The following ADGRL3 variants were observed in gnomAD, a reference collection of about 807,000 sequenced individuals.
ADGRL3 encodes calcium-independent alpha-latrotoxin receptor 3.
A neutral mutation model predicts 153.5 loss-of-function variants in ADGRL3; 62 were observed. That is an observed-to-expected ratio of 0.40 (90% CI 0.33 to 0.50). The LOEUF is 0.50. Among genes scored for constraint, ADGRL3 ranks in the 20% least tolerant of loss-of-function variants. The pLI, the probability that ADGRL3 is intolerant of heterozygous loss-of-function variation, is 0.47. For synonymous variants in ADGRL3, 710 were observed against 672.5 expected, an observed-to-expected ratio of 1.06 and a Z score of -0.86; for missense variants, 1,641 against 1,859.4, an observed-to-expected ratio of 0.88 and a Z score of 2.16.
At chr4:61,933,124 A>T (rs1018306381) in intron 13 of ADGRL3, among the ~76,000 whole-genome samples, 3 of 152,116 alleles carry the variant, frequency 2.0e-5, no homozygotes, top group African/African-American at 7.2e-5. Flanking sequence ...TGGCTGCTCC[A>T]TAAGGAACAG....
At chr4:61,376,154 G>A (rs996644475) in intron 1 of ADGRL3, among the ~76,000 whole-genome samples, 9 of 152,186 alleles carry the variant, frequency 5.9e-5, no homozygotes, top group African/African-American at 2.2e-4. Flanking sequence ...TGTGTGTACT[G>A]TTTAACAATT....
intron 1 of ADGRL3, among the ~76,000 whole-genome samples, chr4:61,305,602 T>A (rs1017734371): frequency 2.6e-5 from 4 of 152,284 alleles, no homozygotes; most frequent in African/African-American, 7.2e-5. Context: ...TCTGATTTTT[T>A]AAGAGAAGTA....
rs141398007 is a variant in ADGRL3, at chr4:61,991,528, T to A, written c.3237-4763T>A. Among the ~76,000 whole-genome samples, 265 of 152,178 alleles carry A rather than the reference T, an allele frequency of 1.7e-3. 1 individual carries two copies. The highest frequency in any genetic ancestry group is 6.1e-3 in the African/African-American group (252 of 41,544). On this transcript the variant is annotated intron_variant, in intron 19 of 26. Transcript: ENST00000683033. ...TGTTGAGGAAATAAAGACAACACAA[T>A]CTATTTTTGATATATTAGAAGTAGT... is the stretch of plus-strand genomic sequence containing the variant.
At chr4:61,438,164 G>A (rs1360322093) in intron 2 of ADGRL3, among the ~76,000 whole-genome samples, 1 of 152,040 alleles carries the variant, frequency 6.6e-6, no homozygotes, top group African/African-American at 2.4e-5. Flanking sequence ...CAGAACAAAT[G>A]TGTCTTTAAT....
At chr4:61,719,401 G>T (rs1233675219) in intron 6 of ADGRL3, among the ~76,000 whole-genome samples, 2 of 152,118 alleles carry the variant, frequency 1.3e-5, no homozygotes, top group Non-Finnish European at 2.9e-5. Flanking sequence ...CACTGTGATG[G>T]TCACTGAAGA....
chr4:61,993,513 A>T (rs563959495), intron 19 of ADGRL3, among the ~76,000 whole-genome samples: 1 of 151,312 alleles, frequency 6.6e-6, no homozygotes, highest in Non-Finnish European at 1.5e-5. Context: ...ACTGGTCTCG[A>T]ACTCCTGACC....
chr4:61,816,357 C>T (rs577706080), intron 9 of ADGRL3, among the ~76,000 whole-genome samples: 36 of 152,272 alleles, frequency 2.4e-4, no homozygotes, highest in Non-Finnish European at 4.0e-4. Flanking sequence ...GGGACTCACT[C>T]ACGTTTTTGA....
intron 24 of ADGRL3, among the ~76,000 whole-genome samples, chr4:62,042,166 C>T (rs1300700623): frequency 6.6e-6 from 1 of 151,760 alleles, no homozygotes; most frequent in African/African-American, 2.4e-5. Flanking sequence ...ATATGTACCT[C>T]AATGAACAAA....
At chr4:62,049,667 G>A (rs1733074032) in intron 25 of ADGRL3, among the ~76,000 whole-genome samples, 1 of 152,088 alleles carries the variant, frequency 6.6e-6, no homozygotes, top group Admixed American at 6.6e-5. Flanking sequence ...ACTACCTACT[G>A]AAAAGTGACC....
chr4:61,833,278 T>C (rs2097894522), intron 9 of ADGRL3, among the ~76,000 whole-genome samples: 1 of 152,032 alleles, frequency 6.6e-6, no homozygotes, highest in Non-Finnish European at 1.5e-5. Context: ...TGTGTAAAGG[T>C]GAACATGTAA....
intron 1 of ADGRL3, among the ~76,000 whole-genome samples, chr4:61,293,981 C>G (rs931097034): frequency 2.7e-5 from 4 of 146,506 alleles, no homozygotes; most frequent in African/African-American, 1.0e-4. Flanking sequence ...TGTAATTTAT[C>G]CCTTCTGAGA....
At chr4:61,935,771 A>T (rs2150151691) in intron 14 of ADGRL3, among the ~76,000 whole-genome samples, 152 bp from the exon 15 acceptor site, 1 of 152,292 alleles carries the variant, frequency 6.6e-6, no homozygotes, top group African/African-American at 2.4e-5. Context: ...ATAAAATACT[A>T]ACAATATATT....
At chr4:61,533,666 A>G (rs2098637323) in intron 4 of ADGRL3, among the ~76,000 whole-genome samples, 1 of 152,008 alleles carries the variant, frequency 6.6e-6, no homozygotes, top group African/African-American at 2.4e-5. Flanking sequence ...TAGGTTGTCT[A>G]TTTTCTATTC....
At chr4:61,717,513 TCTCTG>T (rs1183344457) in intron 6 of ADGRL3, among the ~76,000 whole-genome samples, 1 of 152,170 alleles carries the variant, frequency 6.6e-6, no homozygotes, top group African/African-American at 2.4e-5. Flanking sequence ...TAATTTAATG[TCTCTG>T]CTCCTCACTT....
chr4:61,791,961 G>A (rs996449966), intron 8 of ADGRL3, among the ~76,000 whole-genome samples: 6 of 152,158 alleles, frequency 3.9e-5, no homozygotes, highest in Non-Finnish European at 8.8e-5. Context: ...TTCATCCTAG[G>A]ACTCCAGACC....
chr4:61,867,460 G>A (rs544034705), intron 9 of ADGRL3, among the ~76,000 whole-genome samples: 12 of 140,398 alleles, frequency 8.5e-5, no homozygotes, highest in African/African-American at 2.3e-4. Context: ...AGATGGTGCC[G>A]CTGCACTCCA....
chr4:61,886,348 T>C (rs1044739250), intron 9 of ADGRL3, among the ~76,000 whole-genome samples: 1 of 152,202 alleles, frequency 6.6e-6, no homozygotes, highest in East Asian at 1.9e-4. Flanking sequence ...AGTTTTCTTA[T>C]TTCCTTTATT....
At chr4:61,642,659 G>T (rs1385233196) in intron 5 of ADGRL3, among the ~76,000 whole-genome samples, 2 of 151,930 alleles carry the variant, frequency 1.3e-5, no homozygotes, top group African/African-American at 2.4e-5. Flanking sequence ...CTCTATTTTG[G>T]TACCAGTACC....
chr4:62,026,648 G>A (rs528053117), intron 21 of ADGRL3, among the ~76,000 whole-genome samples: 14 of 151,982 alleles, frequency 9.2e-5, no homozygotes, highest in African/African-American at 3.4e-4. Flanking sequence ...AAACACAGGG[G>A]CAGGGGAAAG....
Sources: allele counts gnomAD v4.1 joint callset (sites outside exome capture counted in the v4.1 genomes callset), GRCh38; gene constraint gnomAD v4.1.1; transcripts MANE v1.5; gene names NCBI Gene and HGNC (gene_info 2026-07-23, HGNC 2026-07-21).